The following IFT46 variants were observed in gnomAD, a reference collection of about 807,000 sequenced individuals.
IFT46 encodes intraflagellar transport protein 46 homolog.
In IFT46, 19 loss-of-function variants were observed where a neutral mutation model predicts 39.6. The observed-to-expected ratio is 0.48, with a 90% confidence interval of 0.33 to 0.70. The LOEUF (loss-of-function observed/expected upper bound fraction) is 0.70, where lower values mean the gene tolerates loss of function less well. Among genes scored for constraint, IFT46 ranks in the 30% least tolerant of loss-of-function variants. IFT46 has a pLI of 0.01. For synonymous variants in IFT46, 117 were observed against 134.8 expected (o/e 0.87, Z 0.91); for missense variants, 334 against 364.8 (o/e 0.92, Z 0.69).
At chr11:118,575,113 G>A (rs2135529546), upstream of IFT46, among the ~76,000 whole-genome samples, 1 of 152,156 alleles carries the variant, frequency 6.6e-6, no homozygotes, top group African/African-American at 2.4e-5. Context: ...TGAGTAGCTG[G>A]GACTGCAGGC....
chr11:118,575,274 G>T (rs1402823277), upstream of IFT46, among the ~76,000 whole-genome samples: 2 of 152,224 alleles, frequency 1.3e-5, no homozygotes, highest in African/African-American at 4.8e-5. Context: ...CATGGCGCCC[G>T]GCCCCTGTAT....
chr11:118,554,341 C>CCA lies in IFT46; in HGVS notation c.483+116_483+117dup, dbSNP rs1937754287. On this transcript the variant is annotated intron_variant, in intron 7 of 11. Transcript: ENST00000264021. ...AAAGTGCTGGGATTACAGGCGTGAG[C>CCA]CACCGCACCCAGGCCCATCTCTTTT... 5 of 1,035,358 alleles carry CCA rather than the reference C, an allele frequency of 4.8e-6. No homozygotes were observed. The South Asian group carries it at 7.7e-5, about 16-fold the overall frequency. The allele number at this position is 1,035,358 out of a possible 1,614,324, so 64.1% of individuals were successfully genotyped here.
At chr11:118,550,883 C>CAAATTTT (rs1555068255) in intron 9 of IFT46, among the ~76,000 whole-genome samples, 1 of 151,274 alleles carries the variant, frequency 6.6e-6, no homozygotes, top group Admixed American at 6.6e-5. Flanking sequence ...AAAAATTAGC[C>CAAATTTT]AGGCACAGTG....
intron 1 of IFT46, chr11:118,572,438 T>G (rs1938363078): frequency 9.6e-7 from 1 of 1,046,322 alleles, no homozygotes; most frequent in Non-Finnish European, 1.3e-6. Flanking sequence ...CGGCAGCGGT[T>G]CCTGTCAAGG....
At chr11:118,573,950 T>C (rs902355450), upstream of IFT46, among the ~76,000 whole-genome samples, 19 of 152,234 alleles carry the variant, frequency 1.2e-4, no homozygotes, top group South Asian at 2.1e-4. Context: ...TTTTAGAGCA[T>C]ATTTTTATTT....
chr11:118,570,633 T>C (rs1193189752), upstream of IFT46, among the ~76,000 whole-genome samples: 1 of 152,200 alleles, frequency 6.6e-6, no homozygotes, highest in Non-Finnish European at 1.5e-5. Flanking sequence ...GAATCAGCTA[T>C]ACTCTGAAAA....
intron 2 of IFT46, 51 bp from the exon 3 acceptor site, chr11:118,559,915 A>C: frequency 9.1e-7 from 1 of 1,097,654 alleles, no homozygotes; most frequent in Non-Finnish European, 1.4e-6. Context: ...ATTTTTAAAA[A>C]CAAGTATTTT....
At chr11:118,548,018 T>G (rs1423115741) in intron 9 of IFT46, among the ~76,000 whole-genome samples, 4 of 150,134 alleles carry the variant, frequency 2.7e-5, no homozygotes, top group African/African-American at 9.8e-5. Flanking sequence ...AGTGCTGGGA[T>G]TACAGGCGTG....
intron 9 of IFT46, among the ~76,000 whole-genome samples, chr11:118,550,800 G>A (rs946077819): frequency 2.6e-5 from 4 of 151,774 alleles, no homozygotes; most frequent in Non-Finnish European, 2.9e-5. Context: ...AGGCAGAGGC[G>A]GGTGGATCAC....
chr11:118,546,362 G>GT, intron 9 of IFT46: 1 of 546,590 alleles, frequency 1.8e-6, no homozygotes, highest in Admixed American at 3.1e-5. Context: ...GTGGTGTTGA[G>GT]TATCTGTAGT....
At chr11:118,561,425 A>G in intron 2 of IFT46, 2 of 811,484 alleles carry the variant, frequency 2.5e-6, no homozygotes, top group Non-Finnish European at 2.2e-6. Flanking sequence ...TCATGCTGCT[A>G]TATGAGAGAA....
chr11:118,576,284 C>T (rs1555073549), upstream of IFT46, among the ~76,000 whole-genome samples: 1 of 150,604 alleles, frequency 6.6e-6, no homozygotes, highest in Non-Finnish European at 1.5e-5. Context: ...TGGCAAAGCT[C>T]AACTTTATGA....
intron 6 of IFT46, 49 bp from the exon 7 acceptor site, chr11:118,554,636 G>A: frequency 1.3e-6 from 2 of 1,551,912 alleles, no homozygotes; most frequent in Non-Finnish European, 1.7e-6. Context: ...TTTCCAATAA[G>A]TTAAGAGGAA....
upstream of IFT46, chr11:118,573,578 A>C (rs1264025639): frequency 1.5e-6 from 1 of 651,906 alleles, no homozygotes; most frequent in African/African-American, 1.8e-5. Context: ...TAGTCTTTTG[A>C]AGGATGTTCT....
At chr11:118,551,912 G>A (rs1937654991) in intron 8 of IFT46, 60 bp from the exon 9 acceptor site, 1 of 1,461,668 alleles carries the variant, frequency 6.8e-7, no homozygotes, top group African/African-American at 1.4e-5. Flanking sequence ...AGCAACCTCT[G>A]GATCAGCATA....
chr11:118,545,673 A>G (rs1951663471), intron 10 of IFT46, 120 bp downstream of exon 10: 2 of 1,221,784 alleles, frequency 1.6e-6, no homozygotes, highest in African/African-American at 1.5e-5. Context: ...AAAGAGCACA[A>G]CGGGCTTAAA....
intron 9 of IFT46, 85 bp downstream of exon 9, chr11:118,551,701 A>C (rs1937645080): frequency 3.0e-6 from 3 of 1,007,776 alleles, no homozygotes; most frequent in Non-Finnish European, 4.6e-6. Flanking sequence ...GTTACCAATA[A>C]TAATAATGGA....
chr11:118,546,752 T>C (rs1392858570), intron 9 of IFT46: 1 of 152,748 alleles, frequency 6.5e-6, no homozygotes, highest in Non-Finnish European at 1.5e-5. Flanking sequence ...AAAAAGAAAC[T>C]GATACCAAGT....
upstream of IFT46, among the ~76,000 whole-genome samples, chr11:118,566,269 G>A (rs1444397197): frequency 6.6e-6 from 1 of 152,180 alleles, no homozygotes; most frequent in Admixed American, 6.5e-5. Context: ...CATTCCAGGG[G>A]AAATTTCGCA....
Sources: allele counts gnomAD v4.1 joint callset (sites outside exome capture counted in the v4.1 genomes callset), GRCh38; gene constraint gnomAD v4.1.1; transcripts MANE v1.5; gene names NCBI Gene and HGNC (gene_info 2026-07-23, HGNC 2026-07-21).